Variants in ESRRG observed in about 807,000 individuals in gnomAD.
The protein encoded by ESRRG is estrogen-related receptor gamma.
A neutral mutation model predicts 44.0 loss-of-function variants in ESRRG; 13 were observed. That is an observed-to-expected ratio of 0.30 (90% CI 0.19 to 0.47). The LOEUF is 0.47. ESRRG is among the 20% of genes least tolerant of loss of function. The probability of loss-of-function intolerance (pLI) is 1.00; values close to 1 mark genes in which losing one functional copy is unlikely to be tolerated. For synonymous variants in ESRRG, 215 were observed against 214.6 expected (o/e 1.00, Z -0.02); for missense variants, 395 against 580.6 (o/e 0.68, Z 3.29).
intron 1 of ESRRG, among the ~76,000 whole-genome samples, chr1:216,694,569 A>AT (rs995128843): frequency 6.7e-6 from 1 of 148,920 alleles, no homozygotes; most frequent in African/African-American, 2.5e-5. Flanking sequence ...ATTTTATTTT[A>AT]TTTTTTTGAC....
chr1:216,590,573 T>C (rs1488649512), intron 3 of ESRRG, among the ~76,000 whole-genome samples: 2 of 152,224 alleles, frequency 1.3e-5, no homozygotes, highest in African/African-American at 2.4e-5. Context: ...GAAAAATTGT[T>C]TCACTTACGA....
At chr1:217,019,125 C>T (rs899280449) in intron 1 of ESRRG, among the ~76,000 whole-genome samples, 1 of 152,148 alleles carries the variant, frequency 6.6e-6, no homozygotes, top group East Asian at 1.9e-4. Flanking sequence ...TAGGTTTGTT[C>T]TCTAACTGTA....
chr1:216,731,738 T>C (rs1028652391), intron 2 of ESRRG, among the ~76,000 whole-genome samples: 1 of 152,152 alleles, frequency 6.6e-6, no homozygotes, highest in African/African-American at 2.4e-5. Flanking sequence ...GGAATGGTGA[T>C]GGGGGAGGGG....
At chr1:216,516,668 C>CACAG (rs376701865) in intron 6 of ESRRG, among the ~76,000 whole-genome samples, 56 of 137,212 alleles carry the variant, frequency 4.1e-4, no homozygotes, top group Admixed American at 1.4e-3. Flanking sequence ...CACACACACA[C>CACAG]AGAGAGAGAG....
intron 2 of ESRRG, among the ~76,000 whole-genome samples, chr1:216,920,892 T>C (rs1013070859): frequency 5.3e-5 from 8 of 152,184 alleles, no homozygotes; most frequent in Non-Finnish European, 1.2e-4. Flanking sequence ...TTATTAGTGT[T>C]GTAGAGGCAG....
At chr1:217,124,756 T>G (rs2092867332) in intron 1 of ESRRG, among the ~76,000 whole-genome samples, 1 of 152,192 alleles carries the variant, frequency 6.6e-6, no homozygotes, top group Non-Finnish European at 1.5e-5. Context: ...TGTATTTTCC[T>G]TTATCCACCA....
chr1:216,874,353 CA>C (rs1289055834), intron 2 of ESRRG, among the ~76,000 whole-genome samples: 1 of 152,062 alleles, frequency 6.6e-6, no homozygotes, highest in Non-Finnish European at 1.5e-5. Flanking sequence ...TATCCAAAAC[CA>C]AAACTCAGGT....
intron 6 of ESRRG, among the ~76,000 whole-genome samples, chr1:216,515,418 A>G (rs1016717542): frequency 5.9e-5 from 9 of 152,132 alleles, no homozygotes; most frequent in Non-Finnish European, 1.0e-4. Context: ...CCTATATGAG[A>G]GTCCAAATAT....
At chr1:216,639,168 G>A (rs1185314812) in intron 3 of ESRRG, among the ~76,000 whole-genome samples, 1 of 152,138 alleles carries the variant, frequency 6.6e-6, no homozygotes, top group African/African-American at 2.4e-5. Flanking sequence ...CATTATAGAA[G>A]TCACAAGTTT....
At chr1:216,887,574 T>G (rs539460925) in intron 2 of ESRRG, among the ~76,000 whole-genome samples, 11 of 152,210 alleles carry the variant, frequency 7.2e-5, no homozygotes, top group Non-Finnish European at 1.3e-4. Context: ...TGTTTAATTT[T>G]TTAAAGAGTA....
intron 1 of ESRRG, among the ~76,000 whole-genome samples, chr1:217,017,257 A>G (rs2079538096): frequency 6.6e-6 from 1 of 152,158 alleles, no homozygotes; most frequent in Non-Finnish European, 1.5e-5. Context: ...GGGAGGGGGA[A>G]AATGCAATAC....
intron 3 of ESRRG, among the ~76,000 whole-genome samples, chr1:216,604,695 G>T (rs1483884815): frequency 2.0e-5 from 3 of 152,102 alleles, no homozygotes; most frequent in African/African-American, 7.2e-5. Context: ...ATGGGATTGG[G>T]TCACTTTCTT....
chr1:216,800,979 ATTC>A (rs2094596860), intron 2 of ESRRG, among the ~76,000 whole-genome samples: 1 of 152,114 alleles, frequency 6.6e-6, no homozygotes, highest in African/African-American at 2.4e-5. Context: ...TTTCACACCA[ATTC>A]TTTTTTTAAT....
intron 5 of ESRRG, among the ~76,000 whole-genome samples, chr1:216,526,928 G>A (rs1012998059): frequency 2.6e-5 from 4 of 152,144 alleles, no homozygotes; most frequent in Admixed American, 2.6e-4. Context: ...CTAGAAGGTA[G>A]AAAAAGTATT....
At chr1:217,039,873 CA>C (rs2083530638) in intron 1 of ESRRG, among the ~76,000 whole-genome samples, 1 of 146,952 alleles carries the variant, frequency 6.8e-6, no homozygotes, top group South Asian at 2.1e-4. Context: ...CAGTGCTTCC[CA>C]AATTGTAGTA....
At chr1:216,878,695 C>T (rs890128972) in intron 2 of ESRRG, among the ~76,000 whole-genome samples, 1 of 152,116 alleles carries the variant, frequency 6.6e-6, no homozygotes. Flanking sequence ...CTTTAGTAAA[C>T]GTTTCACAAT....
At chr1:216,828,193 G>C (rs1225419717) in intron 2 of ESRRG, among the ~76,000 whole-genome samples, 3 of 152,158 alleles carry the variant, frequency 2.0e-5, no homozygotes, top group Non-Finnish European at 4.4e-5. Flanking sequence ...AGTCCTCCTA[G>C]CTATTATGGA....
intron 2 of ESRRG, among the ~76,000 whole-genome samples, chr1:216,781,257 A>G (rs1378108935): frequency 6.6e-6 from 1 of 151,904 alleles, no homozygotes; most frequent in Non-Finnish European, 1.5e-5. Flanking sequence ...CAGTGCTAGG[A>G]ATGCATCCCT....
intron 5 of ESRRG, among the ~76,000 whole-genome samples, chr1:216,532,598 C>T (rs926745017): frequency 6.6e-6 from 1 of 152,162 alleles, no homozygotes; most frequent in Non-Finnish European, 1.5e-5. Flanking sequence ...AAGTGTTTTA[C>T]AGGCAGTGAC....
Sources: allele counts gnomAD v4.1 joint callset (sites outside exome capture counted in the v4.1 genomes callset), GRCh38; gene constraint gnomAD v4.1.1; transcripts MANE v1.5; gene names NCBI Gene and HGNC (gene_info 2026-07-23, HGNC 2026-07-21).